The following COL18A1 variants were observed in gnomAD, a reference collection of about 807,000 sequenced individuals.
COL18A1 encodes the protein collagen type XVIII alpha 1 chain, also known as collagen alpha-1(XVIII) chain.
COL18A1 carries 133 observed loss-of-function variants against 168.0 expected under a neutral mutation model. That is an observed-to-expected ratio of 0.79 (90% CI 0.69 to 0.91). The LOEUF (loss-of-function observed/expected upper bound fraction) is 0.91. COL18A1 is among the 40% of genes least tolerant of loss of function. The probability of loss-of-function intolerance (pLI) is 0.00; values close to 1 mark genes in which losing one functional copy is unlikely to be tolerated. For missense variants in COL18A1, 2,126 were observed against 1,925.4 expected (o/e 1.10, Z -1.95); for synonymous variants, 949 against 809.0 (o/e 1.17, Z -2.94).
At chr21:45,460,681 G>T (rs549613872) in intron 2 of COL18A1, among the ~76,000 whole-genome samples, 6 of 152,338 alleles carry the variant, frequency 3.9e-5, no homozygotes, top group South Asian at 4.1e-4. Flanking sequence ...TTTGTTTGAT[G>T]TTTCCATGTA....
At chr21:45,438,267 CTCAG>C (rs1190558428) in intron 2 of COL18A1, among the ~76,000 whole-genome samples, 6 of 116,392 alleles carry the variant, frequency 5.2e-5, no homozygotes, top group South Asian at 2.7e-4. Flanking sequence ...CACACTCACA[CTCAG>C]ACACACAGGC....
At chr21:45,431,863 C>T (rs1055223662) in intron 2 of COL18A1, among the ~76,000 whole-genome samples, 7 of 152,124 alleles carry the variant, frequency 4.6e-5, no homozygotes, top group Non-Finnish European at 7.4e-5. Context: ...GGGTACCAGG[C>T]GGGTGAGTGG....
intron 32 of COL18A1, 185 bp downstream of exon 32, chr21:45,497,846 G>A (rs1238235746): frequency 2.6e-6 from 2 of 756,446 alleles, no homozygotes; most frequent in African/African-American, 1.8e-5. Flanking sequence ...GGATTTGGGG[G>A]CGAGGGTGGC....
intron 32 of COL18A1, among the ~76,000 whole-genome samples, chr21:45,503,212 C>T (rs1437693636): frequency 6.6e-6 from 1 of 152,210 alleles, no homozygotes; most frequent in African/African-American, 2.4e-5. Context: ...TCCTATTTCT[C>T]TACATCCTCT....
intron 36 of COL18A1, 148 bp downstream of exon 36, chr21:45,505,579 G>T: frequency 1.5e-6 from 1 of 679,562 alleles, no homozygotes; most frequent in Non-Finnish European, 2.6e-6. Flanking sequence ...AGCGGGGCCA[G>T]GCCATGGGGG....
chr21:45,417,072 G>A (rs1348253159), intron 2 of COL18A1, among the ~76,000 whole-genome samples: 2 of 152,130 alleles, frequency 1.3e-5, no homozygotes, highest in African/African-American at 4.8e-5. Context: ...TCTGACTGTC[G>A]GTGTTCTTGG....
rs752491978 is a variant in COL18A1, at chr21:45,505,924, G to A, written c.3174G>A (p.Glu1058=). 18 of 1,613,236 alleles carry A rather than the reference G, an allele frequency of 1.1e-5. 1 individual carries two copies. In the South Asian group the frequency reaches 1.6e-4, roughly 15 times the overall value. The change falls in exon 37 of 42, where the codon GAG becomes GAA. Residue 1058 remains glutamate, a synonymous_variant. Coordinates refer to ENST00000651438, the MANE Select transcript of COL18A1 (RefSeq NM_001379500.1). ...GGCTCATCTTCGTGGCCGAGCAGGA[G>A]GAGCTCTACGTCCGCGTGCAGAACG... is the stretch of plus-strand genomic sequence containing the variant. ...EGWLIFVAEQ[E]ELYVRVQNGF...
At chr21:45,412,084 C>G (rs541980231) in intron 2 of COL18A1, among the ~76,000 whole-genome samples, 1 of 152,240 alleles carries the variant, frequency 6.6e-6, no homozygotes, top group South Asian at 2.1e-4. Context: ...GGGTTTGTGG[C>G]TCGTGCCCAC....
Position 45,423,550 on chromosome 21 carries a change from C to T in COL18A1, c.106+18077C>T, listed in dbSNP as rs574396581. Among the ~76,000 whole-genome samples the T allele has an allele frequency of 4.5e-3, 648 of 143,812 alleles. No homozygotes were observed. Among genetic ancestry groups the T allele is most frequent in the Non-Finnish European group, 7.9e-3 (513 of 65,146 alleles). The allele number at this position is 143,812 out of a possible 152,430, so 94.3% of individuals were successfully genotyped here. On this transcript the variant is annotated intron_variant, in intron 2 of 41. Transcript: ENST00000651438. The surrounding 1 kb of genome is among the most constrained non-coding windows in gnomAD (Gnocchi z 4.0). ...GGGTCATATGAGTGGATCTGGAGGTCGGCCTCTCTTGAATCCCAGCCTCCT... is the reference window on the plus strand; with the variant it reads ...GGGTCATATGAGTGGATCTGGAGGTTGGCCTCTCTTGAATCCCAGCCTCCT...
intron 2 of COL18A1, among the ~76,000 whole-genome samples, chr21:45,440,369 C>T (rs2034335116): frequency 6.6e-6 from 1 of 152,204 alleles, no homozygotes; most frequent in African/African-American, 2.4e-5. Flanking sequence ...GTGCTTCAGG[C>T]CTGCCAGGGG....
At chr21:45,452,761 CATGT>C (rs746262566) in intron 2 of COL18A1, among the ~76,000 whole-genome samples, 116 of 149,554 alleles carry the variant, frequency 7.8e-4, no homozygotes, top group Non-Finnish European at 4.7e-4. Context: ...ATTGTGTATG[CATGT>C]GAGTATTCAC....
At position 45,467,413 on chromosome 21, in the gene COL18A1, C is replaced by T. The variant is rs981182873; in HGVS notation, c.107-829C>T. The T allele has an allele frequency of 1.1e-5, 11 of 985,218 alleles. No homozygotes were observed. In the South Asian group the frequency reaches 1.4e-4, roughly 13 times the overall value. The allele number at this position is 985,218 out of a possible 1,614,324, so 61.0% of individuals were successfully genotyped here. On this transcript the variant is annotated intron_variant, in intron 2 of 41. Coordinates refer to ENST00000651438, the MANE Select transcript of COL18A1 (RefSeq NM_001379500.1). Reference sequence around the variant, plus strand: ...CGGGGCTGGTGGGGAGACTGTGGCACGTTGGCAGGTACGTCAGGCATGCAG... The same window carrying T: ...CGGGGCTGGTGGGGAGACTGTGGCATGTTGGCAGGTACGTCAGGCATGCAG...
intron 2 of COL18A1, among the ~76,000 whole-genome samples, chr21:45,438,161 C>T (rs1394913617): frequency 7.7e-6 from 1 of 129,612 alleles, no homozygotes; most frequent in Non-Finnish European, 1.6e-5. Flanking sequence ...CACAGGCACT[C>T]TCCTGCATAC....
chr21:45,487,636 C>A, intron 17 of COL18A1, 127 bp downstream of exon 17: 1 of 1,249,918 alleles, frequency 8.0e-7, no homozygotes, highest in South Asian at 1.2e-5. Context: ...CCGTGAGGAC[C>A]ACGTGTGGCG....
intron 41 of COL18A1, 141 bp from the exon 42 acceptor site, chr21:45,512,047 C>T (rs1488739155): frequency 1.5e-5 from 13 of 864,700 alleles, no homozygotes; most frequent in Non-Finnish European, 2.3e-5. Context: ...GGCCATGTGG[C>T]CCTCCAGGTT....
chr21:45,414,130 G>C (rs931287257), intron 2 of COL18A1, among the ~76,000 whole-genome samples: 10 of 152,062 alleles, frequency 6.6e-5, no homozygotes, highest in Non-Finnish European at 1.2e-4. Context: ...AGGCCCTCCT[G>C]CCCAGCCTTG....
chr21:45,496,168 C>G (rs555996436), intron 29 of COL18A1: 6 of 490,922 alleles, frequency 1.2e-5, no homozygotes, highest in Non-Finnish European at 2.3e-5. Flanking sequence ...GTCCACTCTG[C>G]TGTCTTTTGA....
chr21:45,467,767 C>T (rs2145888271), intron 2 of COL18A1, among the ~76,000 whole-genome samples: 1 of 152,220 alleles, frequency 6.6e-6, no homozygotes, highest in African/African-American at 2.4e-5. Context: ...AGTGGGCGGG[C>T]AGGGCACAGG....
Position 45,487,490 on chromosome 21 carries a change from G to A in COL18A1, c.1877G>A (p.Arg626Gln), listed in dbSNP as rs755828011. 41 of 1,612,980 alleles carry A rather than the reference G, an allele frequency of 2.5e-5. No individual in the cohort carries two copies. Among genetic ancestry groups the A allele is most frequent in the Middle Eastern group, 1.7e-4 (1 of 6,012 alleles). The change falls in exon 17 of 42, where the codon CGA becomes CAA. Residue 626 changes from arginine to glutamine, a missense_variant. Transcript: ENST00000651438. Reference sequence around the variant, plus strand: ...GGGGGGCCCTTCTGGTCAACAGCCCGAAGCGCTGATGGGCCACAGGTAGTG... The same window carrying A: ...GGGGGGCCCTTCTGGTCAACAGCCCAAAGCGCTGATGGGCCACAGGTAGTG... Reference protein sequence around the residue: ...GSGGPFWSTARSADGPQGPPG... With the variant: ...GSGGPFWSTAQSADGPQGPPG...
Sources: allele counts gnomAD v4.1 joint callset (sites outside exome capture counted in the v4.1 genomes callset), GRCh38; gene constraint gnomAD v4.1.1; non-coding constraint Gnocchi (gnomAD v3.1); transcripts MANE v1.5; gene names NCBI Gene and HGNC (gene_info 2026-07-23, HGNC 2026-07-21).